Variants in MX1 observed in about 807,000 individuals in gnomAD.
MX1 encodes the protein MX dynamin like GTPase 1.
MX1 carries 66 observed loss-of-function variants against 66.4 expected under a neutral mutation model. The ratio of observed to expected loss-of-function variants is 0.99; its 90% CI spans 0.82 to 1.22. The LOEUF (loss-of-function observed/expected upper bound fraction) is 1.22. Among genes scored for constraint, MX1 ranks in the 50% most tolerant of loss-of-function variants. The pLI is 0.00. For missense variants in MX1, 787 were observed against 834.3 expected (o/e 0.94, Z 0.70); for synonymous variants, 311 against 318.1 (o/e 0.98, Z 0.24).
chr21:41,457,002 C>T (rs1036453130), intron 16 of MX1, among the ~76,000 whole-genome samples: 25 of 152,194 alleles, frequency 1.6e-4, no homozygotes, highest in African/African-American at 6.0e-4. Flanking sequence ...CCATGTGATC[C>T]ATCCGCCTCA....
At chr21:41,430,637 C>T (rs2090186674) in intron 4 of MX1, 29 bp downstream of exon 4, 1 of 152,158 alleles carries the variant, frequency 6.6e-6, no homozygotes, top group African/African-American at 2.4e-5. Context: ...TTTTCTGTAA[C>T]ATTTATTTTG....
chr21:41,432,284 C>A, intron 5 of MX1, 109 bp downstream of exon 5: 1 of 967,890 alleles, frequency 1.0e-6, no homozygotes, highest in Non-Finnish European at 1.6e-6. Flanking sequence ...TGCTCTCTCG[C>A]CTCTCCTGTG....
At chr21:41,458,378 T>C (rs979696414) in intron 16 of MX1, 150 bp from the exon 17 acceptor site, 6 of 833,052 alleles carry the variant, frequency 7.2e-6, no homozygotes, top group East Asian at 2.6e-5. Flanking sequence ...ATGGAGGAGA[T>C]TGATGGGTTT....
chr21:41,450,716 G>A (rs538638268), intron 14 of MX1, among the ~76,000 whole-genome samples: 2 of 152,034 alleles, frequency 1.3e-5, no homozygotes, highest in Admixed American at 6.6e-5. Flanking sequence ...ATAAAATTCT[G>A]TGAGGAAGTA....
At chr21:41,437,272 T>C in intron 7 of MX1, 120 bp downstream of exon 7, 1 of 1,115,342 alleles carries the variant, frequency 9.0e-7, no homozygotes, top group Non-Finnish European at 1.3e-6. Flanking sequence ...CTCCTGCACA[T>C]CAGGCCACGG....
At position 41,441,815 on chromosome 21, in the gene MX1, T is replaced by C. The variant is rs773308017; in HGVS notation, c.830T>C (p.Ile277Thr). The change falls in exon 10 of 17, where the codon ATT (isoleucine) becomes ACT (threonine). Residue 277 changes from isoleucine to threonine, a missense_variant. Ile to Thr is a moderately conservative substitution (Grantham distance 89). Coordinates refer to ENST00000398598, the MANE Select transcript of MX1 (RefSeq NM_002462.5). The surrounding 1 kb of genome is among the most constrained non-coding windows in gnomAD (Gnocchi z 4.0). ...LVFHLKKGYM[I>T]VKCRGQQEIQ... ...TTCCACCTGAAGAAGGGTTACATGA[T>C]TGTCAAGTGCCGGGGCCAGCAGGAG... 4 of 1,614,124 alleles carry C rather than the reference T, an allele frequency of 2.5e-6. No homozygotes were observed. In the South Asian group the frequency reaches 3.3e-5, roughly 13 times the overall value.
At chr21:41,453,581 T>A (rs1219739572) in intron 16 of MX1, among the ~76,000 whole-genome samples, 1 of 152,210 alleles carries the variant, frequency 6.6e-6, no homozygotes, top group Non-Finnish European at 1.5e-5. Context: ...AACCAAACTC[T>A]GTTAAAATAT....
intron 15 of MX1, 22 bp downstream of exon 15, chr21:41,451,265 TTA>T: frequency 1.3e-6 from 2 of 1,482,968 alleles, no homozygotes; most frequent in Non-Finnish European, 1.9e-6. Flanking sequence ...CATGTGTTGT[TTA>T]AAAAAAAAAA....
intron 1 of MX1, chr21:41,426,797 G>A (rs1228505565): frequency 2.6e-5 from 4 of 152,330 alleles, no homozygotes; most frequent in African/African-American, 7.2e-5. Context: ...AGGGGGTTCC[G>A]AGCTGGGCCG....
chr21:41,441,842 T>C lies in MX1; in HGVS notation c.857T>C (p.Ile286Thr), dbSNP rs758918054. ...GTCAAGTGCCGGGGCCAGCAGGAGA[T>C]CCAGGACCAGCTGAGCCTGTCCGAA... The part of the protein sequence containing the change: ...MIVKCRGQQE[I>T]QDQLSLSEAL... Residue 286 changes from isoleucine (I) to threonine (T), a missense_variant, in exon 10 of 17, where the codon ATC becomes ACC. Ile to Thr is a moderately conservative substitution (Grantham distance 89). Transcript: ENST00000398598. The surrounding 1 kb of genome is among the most constrained non-coding windows in gnomAD (Gnocchi z 4.0). 12 of 1,613,944 alleles carry C rather than the reference T, an allele frequency of 7.4e-6. No individual in the cohort carries two copies. The highest frequency in any genetic ancestry group is 1.0e-5 in the Non-Finnish European group (12 of 1,180,030).
intron 16 of MX1, among the ~76,000 whole-genome samples, chr21:41,457,958 G>A (rs1242035712): frequency 2.0e-5 from 3 of 152,144 alleles, no homozygotes; most frequent in African/African-American, 4.8e-5. Flanking sequence ...GTTTCATGCA[G>A]TATGATGTCC....
rs139175868 is a variant in MX1 at position 41,439,756 on chromosome 21, A to G, written c.499A>G (p.Ser167Gly). 6.3e-5 allele frequency: 102 copies of G among 1,614,034 alleles called. No individual in the cohort carries two copies. Among genetic ancestry groups the G allele is most frequent in the Non-Finnish European group, 8.5e-5 (100 of 1,180,026 alleles). ...ISHELITLEI[S>G]SRDVPDLTLI... is the part of the protein sequence containing the mutation. ...TCATGAGCTAATCACCCTGGAGATCAGCTCCCGAGATGTCCCGGATCTGAC... is the reference window on the plus strand; with the variant it reads ...TCATGAGCTAATCACCCTGGAGATCGGCTCCCGAGATGTCCCGGATCTGAC... The change falls in exon 8 of 17, where the codon AGC becomes GGC. Residue 167 changes from serine (S) to glycine (G), a missense_variant. Transcript: ENST00000398598.
rs201089600 is a variant in MX1 at position 41,439,805 on chromosome 21, C to T, written c.548C>T (p.Thr183Ile). 1.6e-4 allele frequency: 252 copies of T among 1,613,896 alleles called. No homozygotes were observed. Among genetic ancestry groups the T allele is most frequent in the Admixed American group, 3.3e-4 (20 of 60,000 alleles). The part of the protein sequence containing the change: ...DLTLIDLPGI[T>I]RVAVGNQPAD... Reference sequence around the variant, plus strand: ...ACTCTAATAGACCTTCCTGGCATAACCAGAGTGGCTGTGGGCAATCAGCCT... The same window carrying T: ...ACTCTAATAGACCTTCCTGGCATAATCAGAGTGGCTGTGGGCAATCAGCCT... Residue 183 changes from threonine (T) to isoleucine (I), a missense_variant, in exon 8 of 17, where the codon ACC (threonine) becomes ATC (isoleucine). Transcript: ENST00000398598.
intron 5 of MX1, among the ~76,000 whole-genome samples, chr21:41,433,011 C>A (rs1196350830): frequency 6.6e-6 from 1 of 152,206 alleles, no homozygotes; most frequent in Non-Finnish European, 1.5e-5. Context: ...GTAATTATGT[C>A]AGGGTATGGG....
chr21:41,425,981 A>T (rs959002025), upstream of MX1: 8 of 153,534 alleles, frequency 5.2e-5, no homozygotes, highest in African/African-American at 1.9e-4. Context: ...CCGGGCCATT[A>T]GGGAGCCTCC....
Position 41,441,916 on chromosome 21 carries a change from T to G in MX1, c.929+2T>G, listed in dbSNP as rs1287728367. Reference sequence around the variant, plus strand: ...CTTTGAGAACCACCCATATTTCAGGTGCGCTTGCCTGGGTTTCATCATGGA... The same window carrying G: ...CTTTGAGAACCACCCATATTTCAGGGGCGCTTGCCTGGGTTTCATCATGGA... On this transcript the variant is annotated splice_donor_variant, in intron 10 of 16. Transcript: ENST00000398598. LOFTEE classifies it high-confidence loss of function. This position sits in a 1 kb window ranked among gnomAD's most constrained non-coding sequence, Gnocchi z 4.0. The G allele has an allele frequency of 6.2e-7, 1 of 1,613,966 alleles. No homozygotes were observed. The highest frequency in any genetic ancestry group is 8.5e-7 in the Non-Finnish European group (1 of 1,179,978).
upstream of MX1, among the ~76,000 whole-genome samples, chr21:41,423,567 C>G (rs1318557646): frequency 1.3e-5 from 2 of 152,266 alleles, no homozygotes; most frequent in East Asian, 3.9e-4. Context: ...AAGTTGCAAG[C>G]CCTGTGTTTA....
intron 13 of MX1, among the ~76,000 whole-genome samples, chr21:41,448,360 C>T (rs1471389660): frequency 4.6e-5 from 7 of 152,220 alleles, no homozygotes; most frequent in African/African-American, 1.7e-4. Flanking sequence ...ATACTTTCGA[C>T]ACATGAATAT....
intron 5 of MX1, among the ~76,000 whole-genome samples, chr21:41,433,433 T>C (rs1425477067): frequency 6.6e-6 from 1 of 152,202 alleles, no homozygotes; most frequent in Non-Finnish European, 1.5e-5. Context: ...GAATGGATAC[T>C]GGGAGTGTGG....
Sources: gnomAD v4.1 joint callset for allele counts (sites outside exome capture counted in the v4.1 genomes callset) on GRCh38, gnomAD v4.1.1 for gene constraint, Gnocchi (gnomAD v3.1) non-coding constraint, MANE v1.5 for transcripts, NCBI Gene and HGNC (gene_info 2026-07-23, HGNC 2026-07-21) for gene names.